PCDHA2: variants seen among roughly 807,000 people sequenced by gnomAD.
The protein encoded by PCDHA2 is protocadherin alpha-2.
PCDHA2 carries 58 observed loss-of-function variants against 66.0 expected under a neutral mutation model. The observed-to-expected ratio is 0.88, with a 90% CI of 0.71 to 1.09. PCDHA2 has a LOEUF of 1.09. PCDHA2 is among the 50% of genes least tolerant of loss of function. The pLI, the probability that PCDHA2 is intolerant of heterozygous loss-of-function variation, is 0.00. For missense variants in PCDHA2, 1,267 were observed against 1,242.3 expected (o/e 1.02, Z -0.30); for synonymous variants, 634 against 554.0 (o/e 1.14, Z -2.03).
chr5:140,877,457 C>T lies in PCDHA2; in HGVS notation c.2388+80105C>T, dbSNP rs73263833. On this transcript the variant is annotated intron_variant, in intron 1 of 3. Coordinates refer to ENST00000526136, the MANE Select transcript of PCDHA2 (RefSeq NM_018905.3). ...CACGGTGAGCCCGCGCTGACGTCCACGGCCACGGTGCTGGTGTCGCTGGTG... is the reference window on the plus strand; with the variant it reads ...CACGGTGAGCCCGCGCTGACGTCCATGGCCACGGTGCTGGTGTCGCTGGTG... 1.0e-3 allele frequency: 1,615 copies of T among 1,613,806 alleles called. 8 individuals carry two copies. The African/African-American group carries it at 0.018, about 18-fold the overall frequency.
chr5:140,827,876 G>C (rs2150149560), intron 1 of PCDHA2: 2 of 646,280 alleles, frequency 3.1e-6, no homozygotes, highest in Non-Finnish European at 5.3e-6. Flanking sequence ...GCACTGTTAC[G>C]TGAATTGATT....
At chr5:140,837,490 C>A (rs1775075680) in intron 1 of PCDHA2, among the ~76,000 whole-genome samples, 1 of 146,602 alleles carries the variant, frequency 6.8e-6, no homozygotes, top group East Asian at 2.0e-4. Context: ...ATTTACTTTA[C>A]CTTTCTGAAT....
chr5:140,915,204 C>A (rs2077022161), intron 1 of PCDHA2, among the ~76,000 whole-genome samples: 1 of 152,120 alleles, frequency 6.6e-6, no homozygotes, highest in African/African-American at 2.4e-5. Flanking sequence ...ATCTTGGCCT[C>A]CCAAAGTGCT....
intron 1 of PCDHA2, chr5:140,867,880 G>T (rs1562611394): frequency 6.6e-6 from 1 of 151,984 alleles, no homozygotes; most frequent in Non-Finnish European, 1.5e-5. Flanking sequence ...TATGTTTTAA[G>T]CACAATATCA....
At chr5:140,830,246 A>C (rs782731827) in intron 1 of PCDHA2, 3 of 1,613,762 alleles carry the variant, frequency 1.9e-6, no homozygotes, top group Admixed American at 3.3e-5. Context: ...ACTGCTGTAC[A>C]CAGCGCTGCG....
At chr5:140,862,306 C>T (rs184682479) in intron 1 of PCDHA2, 3 of 279,438 alleles carry the variant, frequency 1.1e-5, no homozygotes, top group Admixed American at 9.2e-5. Flanking sequence ...CACTGGGTAC[C>T]GTCATAGCCC....
At chr5:140,944,171 GT>G (rs1250322343) in intron 1 of PCDHA2, among the ~76,000 whole-genome samples, 1 of 152,008 alleles carries the variant, frequency 6.6e-6, no homozygotes, top group Non-Finnish European at 1.5e-5. Context: ...GCCAAGGCTG[GT>G]TTTTTGTTGG....
At chr5:140,967,552 T>C (rs782453868) in intron 1 of PCDHA2, 2 of 1,613,908 alleles carry the variant, frequency 1.2e-6, no homozygotes, top group Non-Finnish European at 1.7e-6. Context: ...AGTCCACTTA[T>C]CGCGTCCAGC....
intron 1 of PCDHA2, chr5:140,805,525 A>T: frequency 1.0e-6 from 1 of 986,958 alleles, no homozygotes; most frequent in Non-Finnish European, 1.2e-6. Flanking sequence ...GTTTAGACAA[A>T]CAGGATGAAA....
intron 1 of PCDHA2, among the ~76,000 whole-genome samples, chr5:140,911,608 T>C (rs1045101856): frequency 1.3e-5 from 2 of 152,180 alleles, no homozygotes; most frequent in Non-Finnish European, 2.9e-5. Context: ...TTCATTATGT[T>C]CCTTAGTTCC....
chr5:140,881,383 G>T (rs2058695337), intron 1 of PCDHA2: 1 of 984,212 alleles, frequency 1.0e-6, no homozygotes, highest in Non-Finnish European at 1.2e-6. Context: ...AGCCGGCGGC[G>T]GTAAGTTAAA....
At chr5:140,929,093 A>G in intron 1 of PCDHA2, 1 of 1,614,194 alleles carries the variant, frequency 6.2e-7, no homozygotes, top group Non-Finnish European at 8.5e-7. Flanking sequence ...ATGGTTTCAA[A>G]TCCTTGCATG....
At chr5:140,913,288 T>C (rs1452332608) in intron 1 of PCDHA2, among the ~76,000 whole-genome samples, 1 of 152,172 alleles carries the variant, frequency 6.6e-6, no homozygotes, top group Non-Finnish European at 1.5e-5. Context: ...GTTTAGGTTT[T>C]AATTTCTTCA....
chr5:140,942,572 C>A (rs2093326271), intron 1 of PCDHA2, among the ~76,000 whole-genome samples: 1 of 151,292 alleles, frequency 6.6e-6, no homozygotes, highest in Non-Finnish European at 1.5e-5. Flanking sequence ...AAAAATCTTC[C>A]CATATAGGAT....
chr5:140,964,600 A>G (rs1322521285), intron 1 of PCDHA2, among the ~76,000 whole-genome samples: 1 of 152,104 alleles, frequency 6.6e-6, no homozygotes, highest in Non-Finnish European at 1.5e-5. Flanking sequence ...TTTCATGACA[A>G]CTTACAACTT....
At position 140,928,140 on chromosome 5, in the gene PCDHA2, G is replaced by A. The variant is rs200493520; in HGVS notation, c.2389-50809G>A. On this transcript the variant is annotated intron_variant, in intron 1 of 3. Coordinates refer to ENST00000526136, the MANE Select transcript of PCDHA2 (RefSeq NM_018905.3). The stretch of plus-strand genomic sequence containing the variant: ...TCAGTGAATACCAAGTCCTGATCAC[G>A]GCCTCAGATAGTGGCTCACCCCCAC... The A allele has an allele frequency of 2.7e-5, 43 of 1,614,036 alleles. 1 individual carries two copies. The South Asian group carries it at 4.2e-4, about 16-fold the overall frequency.
In PCDHA2 at chr5:140,795,789, C is replaced by T. The variant is rs782729838; in HGVS notation, c.825C>T (p.Ser275=). The T allele has an allele frequency of 1.2e-5, 20 of 1,613,434 alleles. No individual in the cohort carries two copies. Among genetic ancestry groups the T allele is most frequent in the Non-Finnish European group, 1.7e-5 (20 of 1,179,734 alleles). ...NASDADEGPN[S]EIVYSLGSDV... ...CTGATGCAGATGAAGGACCGAACAG[C>T]GAGATTGTGTATTCACTCGGTAGTG... The change falls in exon 1 of 4, where the codon AGC becomes AGT. Residue 275 remains serine (S), a synonymous_variant. Coordinates refer to ENST00000526136, the MANE Select transcript of PCDHA2 (RefSeq NM_018905.3).
intron 3 of PCDHA2, among the ~76,000 whole-genome samples, chr5:140,993,585 G>T (rs2097574142): frequency 6.6e-6 from 1 of 151,526 alleles, no homozygotes; most frequent in Admixed American, 6.6e-5. Flanking sequence ...GCTTTTCTTG[G>T]CTTGGCTCCA....
intron 3 of PCDHA2, among the ~76,000 whole-genome samples, chr5:140,986,473 CA>C (rs1217616254): frequency 6.6e-6 from 1 of 152,192 alleles, no homozygotes; most frequent in Non-Finnish European, 1.5e-5. Context: ...CTCTTGTGAT[CA>C]GTTCCTAGGG....
Sources: gnomAD v4.1 joint callset for allele counts (sites outside exome capture counted in the v4.1 genomes callset) on GRCh38, gnomAD v4.1.1 for gene constraint, MANE v1.5 for transcripts, NCBI Gene and HGNC (gene_info 2026-07-23, HGNC 2026-07-21) for gene names.